Variants in ATP11A observed in about 807,000 individuals in gnomAD.
ATP11A encodes ATPase phospholipid transporting 11A, also known as phospholipid-transporting ATPase IH.
ATP11A carries 81 observed loss-of-function variants against 154.4 expected under a neutral mutation model. That is an observed-to-expected ratio of 0.52 (90% CI 0.44 to 0.63). ATP11A has a LOEUF of 0.63. Among genes scored for constraint, ATP11A ranks in the 30% least tolerant of loss-of-function variants. The pLI, the probability that ATP11A is intolerant of heterozygous loss-of-function variation, is 0.00. For missense variants in ATP11A, 1,316 were observed against 1,474.3 expected (o/e 0.89, Z 1.76); for synonymous variants, 623 against 585.9 (o/e 1.06, Z -0.91).
At chr13:112,796,231 T>C (rs552843141) in intron 2 of ATP11A, among the ~76,000 whole-genome samples, 12 of 152,234 alleles carry the variant, frequency 7.9e-5, no homozygotes, top group Admixed American at 4.6e-4. Flanking sequence ...CTCAATTTGG[T>C]TGCATTCCCA....
chr13:112,834,008 G>A (rs1449157026), intron 14 of ATP11A, among the ~76,000 whole-genome samples: 3 of 152,204 alleles, frequency 2.0e-5, no homozygotes, highest in East Asian at 1.9e-4. Context: ...CTGGCCTCTC[G>A]CATCCCAAAG....
intron 25 of ATP11A, among the ~76,000 whole-genome samples, chr13:112,869,466 G>A (rs1333330805): frequency 1.3e-5 from 2 of 152,226 alleles, no homozygotes; most frequent in East Asian, 1.9e-4. Context: ...AGGGGACAGT[G>A]AGGAGGCCGT....
chr13:112,845,332 T>G lies in ATP11A; in HGVS notation c.1809+2953T>G, dbSNP rs368122174. 5.4e-3 allele frequency among the ~76,000 whole-genome samples: 409 copies of G among 75,940 alleles called. 9 individuals carry two copies. The highest frequency in any genetic ancestry group is 0.016 in the Middle Eastern group (2 of 122). The allele number at this position is 75,940 out of a possible 152,430, so 49.8% of individuals were successfully genotyped here. Reference sequence around the variant, plus strand: ...CTAACCAGTCCAGTTGCCGGCACTATCGGTACTAACCAGTCCAGTTGCCAG... The same window carrying G: ...CTAACCAGTCCAGTTGCCGGCACTAGCGGTACTAACCAGTCCAGTTGCCAG... On this transcript the variant is annotated intron_variant, in intron 17 of 29. Transcript: ENST00000375645.
At chr13:112,769,862 G>A (rs80231507) in intron 1 of ATP11A, among the ~76,000 whole-genome samples, 2,430 of 152,314 alleles carry the variant, frequency 0.016, 81 homozygotes, top group African/African-American at 0.055. Context: ...AGCACTTCCC[G>A]TGCCATCCCA....
rs423690 is a variant in ATP11A at position 112,828,314 on chromosome 13, G to A, written c.1221+1423G>A. On this transcript the variant is annotated intron_variant, in intron 12 of 29. Transcript: ENST00000375645. ...GAAAGTACCCAGAAGTGTTGAGTAG[G>A]GGGGAAAGCACCCAGCAGTGTTGAG... 4.8e-3 allele frequency among the ~76,000 whole-genome samples: 700 copies of A among 146,574 alleles called. 2 individuals carry two copies. Among genetic ancestry groups the A allele is most frequent in the African/African-American group, 0.013 (527 of 39,668 alleles).
At chr13:112,727,273 C>A (rs566829225) in intron 1 of ATP11A, among the ~76,000 whole-genome samples, 2 of 152,348 alleles carry the variant, frequency 1.3e-5, no homozygotes, top group Admixed American at 1.3e-4. Context: ...TCTCAAACTC[C>A]TGACCTCAGG....
intron 1 of ATP11A, among the ~76,000 whole-genome samples, chr13:112,716,080 C>T (rs950088826): frequency 1.3e-5 from 2 of 151,994 alleles, no homozygotes; most frequent in Non-Finnish European, 2.9e-5. Context: ...AGGCTTGGAG[C>T]TCATTCTCAG....
At chr13:112,718,217 T>C (rs1888714740) in intron 1 of ATP11A, among the ~76,000 whole-genome samples, 1 of 152,114 alleles carries the variant, frequency 6.6e-6, no homozygotes, top group Non-Finnish European at 1.5e-5. Flanking sequence ...TAAAGAACAC[T>C]CATTGCTTTT....
Position 112,842,389 on chromosome 13 carries a change from G to T in ATP11A, c.1809+10G>T. On this transcript the variant is annotated intron_variant, in intron 17 of 29. Transcript: ENST00000375645. ...GGAGCGTAACGCAGTGGTGAGAGCC[G>T]GGCTGGGGAGGGCCTCGTGGCGGTC... is the stretch of plus-strand genomic sequence containing the variant. 6.3e-7 allele frequency: 1 copy of T among 1,582,374 alleles called. No homozygotes were observed. The highest frequency in any genetic ancestry group is 8.6e-7 in the Non-Finnish European group (1 of 1,160,234).
At chr13:112,780,340 C>T (rs2077467369) in intron 1 of ATP11A, among the ~76,000 whole-genome samples, 1 of 152,130 alleles carries the variant, frequency 6.6e-6, no homozygotes, top group Admixed American at 6.5e-5. Context: ...TTTTCACCCC[C>T]GGGCAGGGGC....
At chr13:112,715,376 C>T (rs1888307931) in intron 1 of ATP11A, among the ~76,000 whole-genome samples, 1 of 149,124 alleles carries the variant, frequency 6.7e-6, no homozygotes, top group Non-Finnish European at 1.5e-5. Flanking sequence ...CCCACCTCCC[C>T]ACACCTGGCC....
intron 14 of ATP11A, among the ~76,000 whole-genome samples, chr13:112,833,531 A>G (rs192531): frequency 1.3e-5 from 2 of 151,856 alleles, no homozygotes; most frequent in Non-Finnish European, 2.9e-5. Flanking sequence ...AACTCAGGGG[A>G]GCCATTTTCA....
intron 1 of ATP11A, among the ~76,000 whole-genome samples, chr13:112,772,107 A>T (rs1261915627): frequency 6.6e-6 from 1 of 152,156 alleles, no homozygotes; most frequent in Non-Finnish European, 1.5e-5. Context: ...TATTTTTTTT[A>T]ATTTGTTTAT....
At chr13:112,841,104 G>A (rs1476662704) in intron 16 of ATP11A, among the ~76,000 whole-genome samples, 3 of 152,260 alleles carry the variant, frequency 2.0e-5, no homozygotes, top group African/African-American at 4.8e-5. Flanking sequence ...CAGCCGCCTG[G>A]CAGAGTGCCA....
intron 1 of ATP11A, among the ~76,000 whole-genome samples, chr13:112,769,091 G>A (rs1483746322): frequency 6.6e-6 from 1 of 152,186 alleles, no homozygotes; most frequent in Non-Finnish European, 1.5e-5. Context: ...TTTGCAAGTC[G>A]GGAGACGGGA....
chr13:112,846,149 G>A (rs1443597268), intron 17 of ATP11A, among the ~76,000 whole-genome samples: 2 of 152,118 alleles, frequency 1.3e-5, no homozygotes, highest in East Asian at 3.8e-4. Flanking sequence ...GTGGAGTGAT[G>A]CTGTGTTTCT....
In ATP11A at chr13:112,819,320, A is replaced by G; in HGVS notation, c.587A>G (p.Gln196Arg). ...CATTTGTAGACGCATTACGCGGTCC[A>G]GGACACCAAAGGCTTCCACACAGAG... ...ESSHKTHYAVQDTKGFHTEED... is the reference protein window; with the variant it reads ...ESSHKTHYAVRDTKGFHTEED... Residue 196 changes from glutamine to arginine, a missense_variant, in exon 7 of 30, where the codon CAG (glutamine) becomes CGG (arginine). Physicochemically the swap from Gln to Arg is conservative, Grantham distance 43. Around this residue, in one of 5 missense-constraint regions of ATP11A, gnomAD observed 876 missense variants for 1,006.8 expected, o/e 0.87. Transcript: ENST00000375645. 1 of 1,614,242 alleles carries G rather than the reference A, an allele frequency of 6.2e-7. No individual in the cohort carries two copies. The highest frequency in any genetic ancestry group is 8.5e-7 in the Non-Finnish European group (1 of 1,180,038).
Position 112,842,362 on chromosome 13 carries a change from G to C in ATP11A, c.1792G>C (p.Val598Leu). 1.9e-6 allele frequency: 3 copies of C among 1,607,852 alleles called. No individual in the cohort carries two copies. Among genetic ancestry groups the C allele is most frequent in the South Asian group, 1.1e-5 (1 of 89,638 alleles). Residue 598 changes from valine (V) to leucine (L), a missense_variant, in exon 17 of 30, where the codon GTG becomes CTG. By Grantham distance (32) the Val-to-Leu change is conservative. Transcript: ENST00000375645. The part of the protein sequence containing the change: ...EGKVDQIRAR[V>L]ERNAVEGLRT... Reference sequence around the variant, plus strand: ...CAAAGTTGACCAGATCCGAGCCAGAGTGGAGCGTAACGCAGTGGTGAGAGC... The same window carrying C: ...CAAAGTTGACCAGATCCGAGCCAGACTGGAGCGTAACGCAGTGGTGAGAGC...
rs1885094571 is a variant in ATP11A, at chr13:112,690,999, C to G, written c.39+544C>G. 1.3e-5 allele frequency among the ~76,000 whole-genome samples: 2 copies of G among 152,172 alleles called. No individual in the cohort carries two copies. On this transcript the variant is annotated intron_variant, in intron 1 of 29. Coordinates refer to ENST00000375645, the MANE Select transcript of ATP11A (RefSeq NM_015205.3). This position sits in a 1 kb window ranked among gnomAD's most constrained non-coding sequence, Gnocchi z 5.6. ...GAGTTTGGAATCTTTTTATTTTTTACCTTAAAGTAACCAATTAGATCAGAA... is the reference window on the plus strand; with the variant it reads ...GAGTTTGGAATCTTTTTATTTTTTAGCTTAAAGTAACCAATTAGATCAGAA...
Sources: allele counts gnomAD v4.1 joint callset (sites outside exome capture counted in the v4.1 genomes callset), GRCh38; gene constraint gnomAD v4.1.1; regional missense constraint gnomAD v4.1.1; non-coding constraint Gnocchi (gnomAD v3.1); transcripts MANE v1.5; gene names NCBI Gene and HGNC (gene_info 2026-07-23, HGNC 2026-07-21).